The following DDX17 variants were observed in gnomAD, a reference collection of about 807,000 sequenced individuals.
DDX17 encodes DEAD-box helicase 17.
A neutral mutation model predicts 80.8 loss-of-function variants in DDX17; 10 were observed. That is an observed-to-expected ratio of 0.12 (90% CI 0.08 to 0.21). The LOEUF (loss-of-function observed/expected upper bound fraction) is 0.21. DDX17 is among the 10% of genes least tolerant of loss of function. The pLI, the probability that DDX17 is intolerant of heterozygous loss-of-function variation, is 1.00. For synonymous variants in DDX17, 339 were observed against 336.2 expected, an observed-to-expected ratio of 1.01 and a Z score of -0.09; for missense variants, 586 against 957.4, an observed-to-expected ratio of 0.61 and a Z score of 5.12.
chr22:38,486,289 A>G lies in DDX17; in HGVS notation c.1836T>C (p.Gly612=). 6.2e-7 allele frequency: 1 copy of G among 1,614,158 alleles called. No homozygotes were observed. The highest frequency in any genetic ancestry group is 1.1e-5 in the South Asian group (1 of 91,080). Residue 612 remains glycine, a synonymous_variant, in exon 13 of 13, where the codon GGT becomes GGC. Coordinates refer to ENST00000403230, the MANE Select transcript of DDX17 (RefSeq NM_006386.5). The stretch of plus-strand genomic sequence containing the variant: ...TTCCATAGCCACTGCCATTAGCATA[A>G]CCAGCTCTATCGGTTTCACTACGAT...
At chr22:38,494,268 A>G (rs1481539507) in intron 8 of DDX17, 137 bp from the exon 9 acceptor site, 1 of 645,054 alleles carries the variant, frequency 1.6e-6, no homozygotes, top group African/African-American at 1.8e-5. Flanking sequence ...CTATTAGAGT[A>G]CTGAGTCAGG....
intron 2 of DDX17, among the ~76,000 whole-genome samples, 178 bp downstream of exon 2, chr22:38,500,952 G>A (rs1408606646): frequency 1.3e-4 from 17 of 127,934 alleles, no homozygotes; most frequent in African/African-American, 3.8e-4. Context: ...GGAATATGGC[G>A]AAACCCGGTC....
chr22:38,494,250 T>C (rs1297867147), intron 8 of DDX17, 119 bp from the exon 9 acceptor site: 1 of 703,320 alleles, frequency 1.4e-6, no homozygotes, highest in African/African-American at 1.8e-5. Flanking sequence ...TTTTAAAATT[T>C]TTAATAACTA....
At chr22:38,494,538 CA>C in intron 8 of DDX17, 91 bp downstream of exon 8, 2 of 1,247,170 alleles carry the variant, frequency 1.6e-6, no homozygotes, top group Non-Finnish European at 2.2e-6. Flanking sequence ...TCTCAGGCCT[CA>C]AAATATACTG....
At position 38,488,785 on chromosome 22, in the gene DDX17, G is replaced by A. The variant is rs377731915; in HGVS notation, c.1448-670C>T. On this transcript the variant is annotated intron_variant, in intron 11 of 12. Transcript: ENST00000403230. ...TATCTATCCCCTTTCAATTACAAGA[G>A]CACATTACACTAAAATTTTACTGTA... 4.1e-4 allele frequency: 405 copies of A among 985,410 alleles called. 1 individual carries two copies. The South Asian group carries it at 0.012, about 29-fold the overall frequency. 61.0% of individuals were successfully genotyped at this position (985,410 alleles called of 1,614,324 possible).
At chr22:38,497,217 A>G (rs1273534386) in intron 5 of DDX17, among the ~76,000 whole-genome samples, 8 of 142,004 alleles carry the variant, frequency 5.6e-5, no homozygotes, top group African/African-American at 2.1e-4. Flanking sequence ...AATCGCTTGA[A>G]GCCAGGAGGT....
At chr22:38,498,180 A>C in intron 4 of DDX17, 30 bp from the exon 5 acceptor site, 1 of 1,606,600 alleles carries the variant, frequency 6.2e-7, no homozygotes, top group Non-Finnish European at 8.5e-7. Context: ...TGACAACCTT[A>C]CGCTTAGAAG....
rs1395710690 is a variant in DDX17 at position 38,484,921 on chromosome 22, G to A, written c.*1014C>T. On this transcript the variant is annotated 3_prime_UTR_variant, in exon 13 of 13. Transcript: ENST00000403230. The stretch of plus-strand genomic sequence containing the variant: ...TTTGTTCAAGGTAACTTTGCCAAAA[G>A]GGCAGAGTAGGTGGCAAAGAGTTGC... 6.6e-6 allele frequency: 1 copy of A among 152,218 alleles called. No individual in the cohort carries two copies. The highest frequency in any genetic ancestry group is 1.5e-5 in the Non-Finnish European group (1 of 68,040). The allele number at this position is 152,218 out of a possible 1,614,324, so 9.4% of individuals were successfully genotyped here. A position where few individuals can be genotyped will look rare whatever the true frequency, so the allele number is the denominator to read the frequency against.
intron 11 of DDX17, 24 bp from the exon 12 acceptor site, chr22:38,488,139 T>C (rs758782486): frequency 1.9e-6 from 3 of 1,613,250 alleles, no homozygotes; most frequent in Admixed American, 1.7e-5. Flanking sequence ...GATGAGTCAG[T>C]GTGTAGGTTG....
intron 1 of DDX17, among the ~76,000 whole-genome samples, chr22:38,502,146 C>G (rs1026156984): frequency 6.6e-6 from 1 of 152,222 alleles, no homozygotes; most frequent in African/African-American, 2.4e-5. Flanking sequence ...GGCAGTGGCT[C>G]AGTCCTGTAA....
At chr22:38,500,817 C>A (rs867994266) in intron 2 of DDX17, among the ~76,000 whole-genome samples, 12 of 54,172 alleles carry the variant, frequency 2.2e-4, no homozygotes, top group African/African-American at 4.5e-4. Flanking sequence ...AACTCCGTCT[C>A]AAAAAAAAAA....
Position 38,489,530 on chromosome 22 carries a change from ATAAT to A in DDX17, c.1448-1419_1448-1416del, listed in dbSNP as rs1483982958. The A allele has an allele frequency of 2.3e-5, 23 of 984,794 alleles. No individual in the cohort carries two copies. Among genetic ancestry groups the A allele is most frequent in the African/African-American group, 5.2e-5 (3 of 57,178 alleles). The allele number at this position is 984,794 out of a possible 1,614,324, so 61.0% of individuals were successfully genotyped here. A position where few individuals can be genotyped will look rare whatever the true frequency, so the allele number is the denominator to read the frequency against. On this transcript the variant is annotated intron_variant, in intron 11 of 12. Transcript: ENST00000403230. The surrounding 1 kb of genome is among the most constrained non-coding windows in gnomAD (Gnocchi z 4.6). Reference sequence around the variant, plus strand: ...ATAATTGGGGTGATTGTAGAAAAAAATAATTAATAAAAAAAAATGTAAGTTACAT... The same window carrying A: ...ATAATTGGGGTGATTGTAGAAAAAAATAATAAAAAAAAATGTAAGTTACAT...
At chr22:38,487,773 A>G (rs1204962795) in intron 12 of DDX17, 106 bp downstream of exon 12, 1 of 1,158,822 alleles carries the variant, frequency 8.6e-7, no homozygotes, top group African/African-American at 1.5e-5. Flanking sequence ...TTTGCTATTA[A>G]GCAACATACT....
chr22:38,495,821 A>G lies in DDX17; in HGVS notation c.855T>C (p.Gly285=), dbSNP rs1185669523. 1.2e-6 allele frequency: 2 copies of G among 1,604,216 alleles called. No homozygotes were observed. Among genetic ancestry groups the G allele is most frequent in the Middle Eastern group, 3.3e-4 (2 of 6,036 alleles). ...CTCTTTCCAAGTCTCGAATCTGGGG[A>G]CCTTTAGGAGCACCTCCATAAATAC... Residue 285 remains glycine (G), a synonymous_variant, in exon 6 of 13, where the codon GGT becomes GGC. Transcript: ENST00000403230.
intron 11 of DDX17, chr22:38,490,667 CCT>C (rs1039733434): frequency 2.7e-5 from 9 of 336,394 alleles, no homozygotes; most frequent in African/African-American, 1.1e-4. Flanking sequence ...AAATTGCACC[CCT>C]GTCTATGAGG....
At chr22:38,497,297 CAAA>C (rs138448) in intron 5 of DDX17, among the ~76,000 whole-genome samples, 3 of 36,172 alleles carry the variant, frequency 8.3e-5, no homozygotes, top group African/African-American at 3.8e-4. Context: ...AACTCCATCT[CAAA>C]AAAAAAAAAA....
intron 2 of DDX17, among the ~76,000 whole-genome samples, chr22:38,500,817 C>CAAAAAAAAAAAAAAAAAAAA (rs138453): frequency 1.3e-4 from 7 of 54,186 alleles, no homozygotes; most frequent in African/African-American, 4.5e-4. Context: ...AACTCCGTCT[C>CAAAAAAAAAAAAAAAAAAAA]AAAAAAAAAA....
Position 38,494,797 on chromosome 22 carries a change from A to T in DDX17, c.1047T>A (p.Asp349Glu). The T allele has an allele frequency of 6.2e-7, 1 of 1,614,146 alleles. No individual in the cohort carries two copies. Among genetic ancestry groups the T allele is most frequent in the Non-Finnish European group, 8.5e-7 (1 of 1,180,020 alleles). The change falls in exon 8 of 13, where the codon GAT becomes GAA. Residue 349 changes from aspartate (D) to glutamate (E), a missense_variant. By Grantham distance (45) the Asp-to-Glu change is conservative. Transcript: ENST00000403230. Reference sequence around the variant, plus strand: ...TTGCACTCCACATCAGTGTCTGCCTATCAGGCTATCAAAAAAGGAAAGGCT... The same window carrying T: ...TTGCACTCCACATCAGTGTCTGCCTTTCAGGCTATCAAAAAAGGAAAGGCT...
chr22:38,504,947 G>A (rs1349264447), intron 1 of DDX17, among the ~76,000 whole-genome samples: 1 of 152,162 alleles, frequency 6.6e-6, no homozygotes, highest in Non-Finnish European at 1.5e-5. Flanking sequence ...TTTCGCTCTT[G>A]CCACGGGCTG....
Sources: allele counts gnomAD v4.1 joint callset (sites outside exome capture counted in the v4.1 genomes callset), GRCh38; gene constraint gnomAD v4.1.1; non-coding constraint Gnocchi (gnomAD v3.1); transcripts MANE v1.5; gene names NCBI Gene and HGNC (gene_info 2026-07-23, HGNC 2026-07-21).